CXorf38: variants seen among roughly 807,000 people sequenced by gnomAD.
CXorf38 encodes the protein uncharacterized protein CXorf38.
A neutral mutation model predicts 27.5 loss-of-function variants in CXorf38; 13 were observed. The ratio of observed to expected loss-of-function variants is 0.47; its 90% CI spans 0.31 to 0.75. The LOEUF (loss-of-function observed/expected upper bound fraction) is 0.75, where lower values mean the gene tolerates loss of function less well. Among genes scored for constraint, CXorf38 ranks in the 30% least tolerant of loss-of-function variants. The pLI, the probability that CXorf38 is intolerant of heterozygous loss-of-function variation, is 0.05. For synonymous variants in CXorf38, 100 were observed against 99.8 expected (o/e 1.00, Z -0.01); for missense variants, 240 against 253.2 (o/e 0.95, Z 0.35).
chrX:40,647,551 GC>G lies in CXorf38; in HGVS notation c.-32del, dbSNP rs745321336. 6 of 1,170,217 alleles carry G rather than the reference GC, an allele frequency of 5.1e-6. No individual in the cohort carries two copies. In the East Asian group the frequency reaches 2.0e-4, roughly 40 times the overall value. On this transcript the variant is annotated 5_prime_UTR_variant, in exon 1 of 7. Transcript: ENST00000327877. ...CCACTTGGAACCAGGAGGTTGCGGG[GC>G]GTGGCGGACGGCAGTGCGCAGGCGC...
At position 40,647,449 on chromosome X, in the gene CXorf38, G is replaced by C. The variant is rs1928657869; in HGVS notation, c.72C>G (p.Cys24Trp). ...GCAGGCAGCTGCGCAGCAGTAACAG[G>C]CAGTGGCCCGCCTTCACCCAGTTCT... ...EYKNWVKAGHCLLLLRSCLQG... is the reference protein window; with the variant it reads ...EYKNWVKAGHWLLLLRSCLQG... Residue 24 changes from cysteine (C) to tryptophan (W), a missense_variant, in exon 1 of 7, where the codon TGC (cysteine) becomes TGG (tryptophan). Physicochemically the swap from Cys to Trp is radical, Grantham distance 215. Transcript: ENST00000327877. 1 of 1,194,811 alleles carries C rather than the reference G, an allele frequency of 8.4e-7. No individual in the cohort carries two copies. Among genetic ancestry groups the C allele is most frequent in the African/African-American group, 1.8e-5 (1 of 55,137 alleles).
chrX:40,629,609 T>C lies in CXorf38; in HGVS notation c.*555A>G, dbSNP rs1927674052. On this transcript the variant is annotated 3_prime_UTR_variant, in exon 7 of 7. Transcript: ENST00000327877. ...AATCCCTGGGTGGTAGCAAGTTTTG[T>C]TGTTGTTTTTTGTTTTTTTGGGAGA... 1 of 111,036 alleles carries C rather than the reference T, an allele frequency of 9.0e-6. No individual in the cohort carries two copies. Among genetic ancestry groups the C allele is most frequent in the Non-Finnish European group, 1.9e-5 (1 of 52,896 alleles). The allele number at this position is 111,036 out of a possible 1,213,427, so 9.2% of individuals were successfully genotyped here. A position where few individuals can be genotyped will look rare whatever the true frequency, so the allele number is the denominator to read the frequency against.
rs1311644864 is a variant in CXorf38 at position 40,628,574 on chromosome X, T to G, written c.*1590A>C. The G allele has an allele frequency of 8.9e-6, 1 of 112,466 alleles. No homozygotes were observed. 9.3% of individuals were successfully genotyped at this position (112,466 alleles called of 1,213,427 possible). A position where few individuals can be genotyped will look rare whatever the true frequency, so the allele number is the denominator to read the frequency against. Reference sequence around the variant, plus strand: ...CCAGCAGGAGGAACTCAGGAGTGGATGACTTTAGGGGTAAAAGGTATAGAA... The same window carrying G: ...CCAGCAGGAGGAACTCAGGAGTGGAGGACTTTAGGGGTAAAAGGTATAGAA... On this transcript the variant is annotated 3_prime_UTR_variant, in exon 7 of 7. Transcript: ENST00000327877.
chrX:40,640,321 C>A, intron 2 of CXorf38: 1 of 250,369 alleles, frequency 4.0e-6, no homozygotes, highest in South Asian at 3.9e-5. Context: ...GATCAAGACC[C>A]TGTTTCAAAA....
chrX:40,628,628 G>A lies in CXorf38; in HGVS notation c.*1536C>T, dbSNP rs1237903685. 8.9e-6 allele frequency: 1 copy of A among 112,388 alleles called. No individual in the cohort carries two copies. Among genetic ancestry groups the A allele is most frequent in the South Asian group, 3.6e-4 (1 of 2,757 alleles). The allele number at this position is 112,388 out of a possible 1,213,427, so 9.3% of individuals were successfully genotyped here. A position where few individuals can be genotyped will look rare whatever the true frequency, so the allele number is the denominator to read the frequency against. The stretch of plus-strand genomic sequence containing the variant: ...GCATGAACGAATGTGTGAATTTGTT[G>A]AAAGAAAATGATGTCTTTGAATTTC... On this transcript the variant is annotated 3_prime_UTR_variant, in exon 7 of 7. Coordinates refer to ENST00000327877, the MANE Select transcript of CXorf38 (RefSeq NM_144970.3).
At chrX:40,635,413 T>C (rs1251947312) in intron 5 of CXorf38, among the ~76,000 whole-genome samples, 1 of 112,579 alleles carries the variant, frequency 8.9e-6, no homozygotes, top group Non-Finnish European at 1.9e-5. Flanking sequence ...GCTCCGTGAA[T>C]TTGCATTTAA....
chrX:40,642,379 T>C (rs1476624790), intron 2 of CXorf38, among the ~76,000 whole-genome samples: 5 of 111,502 alleles, frequency 4.5e-5, no homozygotes, highest in African/African-American at 6.5e-5. Context: ...AGCCATCAAT[T>C]TGGGAGCCAG....
chrX:40,636,666 C>T lies in CXorf38; in HGVS notation c.668G>A (p.Arg223Gln), dbSNP rs777636638. 8.3e-6 allele frequency: 10 copies of T among 1,208,941 alleles called. No homozygotes were observed. The South Asian group carries it at 1.4e-4, about 17-fold the overall frequency. Residue 223 changes from arginine to glutamine, a missense_variant, in exon 5 of 7, where the codon CGA becomes CAA. Coordinates refer to ENST00000327877, the MANE Select transcript of CXorf38 (RefSeq NM_144970.3). ...TCCCATTTCACATTCACACCCATCTCGCTGATCTTCCTCGGGGATGTGAAC... is the reference window on the plus strand; with the variant it reads ...TCCCATTTCACATTCACACCCATCTTGCTGATCTTCCTCGGGGATGTGAAC... The part of the protein sequence containing the change: ...WAVHIPEEDQ[R>Q]DGCECEMGTY...
chrX:40,647,411 C>T lies in CXorf38; in HGVS notation c.110G>A (p.Gly37Asp), dbSNP rs1175007410. 8.4e-7 allele frequency: 1 copy of T among 1,188,629 alleles called. No homozygotes were observed. The highest frequency in any genetic ancestry group is 3.2e-5 in the East Asian group (1 of 31,138). Residue 37 changes from glycine to aspartate, a missense_variant, in exon 1 of 7, where the codon GGC (glycine) becomes GAC (aspartate). Transcript: ENST00000327877. ...GCGGTGGAAGGAGAGCACCTCGCGG[C>T]CGACGAAACCCTGCAGGCAGCTGCG... ...LLRSCLQGFVGREVLSFHRGL... is the reference protein window; with the variant it reads ...LLRSCLQGFVDREVLSFHRGL...
At chrX:40,631,170 T>C (rs1927761411) in intron 5 of CXorf38, among the ~76,000 whole-genome samples, 1 of 108,663 alleles carries the variant, frequency 9.2e-6, no homozygotes, top group South Asian at 4.0e-4. Flanking sequence ...AATTATTATA[T>C]AGATGGATAT....
intron 5 of CXorf38, among the ~76,000 whole-genome samples, chrX:40,635,017 G>A (rs960224664): frequency 7.1e-5 from 8 of 112,235 alleles, no homozygotes; most frequent in South Asian, 3.7e-4. Flanking sequence ...GGAGACCTGC[G>A]GGCCAGCCCT....
chrX:40,640,138 C>G (rs968889783), intron 2 of CXorf38: 56 of 290,709 alleles, frequency 1.9e-4, no homozygotes, highest in Non-Finnish European at 1.3e-5. Flanking sequence ...TGAGCCCAGC[C>G]TGGGCAACAA....
intron 5 of CXorf38, among the ~76,000 whole-genome samples, chrX:40,632,181 T>C (rs1304578752): frequency 9.0e-6 from 1 of 111,694 alleles, no homozygotes; most frequent in Non-Finnish European, 1.9e-5. Context: ...TAATCAGATG[T>C]CCGTGATGGC....
chrX:40,646,906 G>A (rs1428551768), intron 2 of CXorf38, 101 bp downstream of exon 2: 3 of 956,872 alleles, frequency 3.1e-6, no homozygotes, highest in East Asian at 3.4e-5. Flanking sequence ...CTCTCTCTCT[G>A]CATCTGTTTA....
chrX:40,634,217 C>T (rs897221850), intron 5 of CXorf38, among the ~76,000 whole-genome samples: 30 of 111,468 alleles, frequency 2.7e-4, no homozygotes, highest in African/African-American at 9.5e-4. Context: ...AGCTTTCTAA[C>T]CCTACCCCTA....
Position 40,637,005 on chromosome X carries a change from AC to A in CXorf38, c.621+1del. 7.6e-6 allele frequency: 9 copies of A among 1,180,385 alleles called. No individual in the cohort carries two copies. The highest frequency in any genetic ancestry group is 1.0e-5 in the Non-Finnish European group (9 of 879,370). Reference sequence around the variant, plus strand: ...GCCAGAACTATTAAACATGATTTTTACCTGTTCTATTCTGGAGTATACTGCC... The same window carrying A: ...GCCAGAACTATTAAACATGATTTTTACTGTTCTATTCTGGAGTATACTGCC... On this transcript the variant is annotated splice_donor_variant, in intron 4 of 6. Transcript: ENST00000327877. LOFTEE classifies it high-confidence loss of function.
chrX:40,643,210 G>A (rs1928415185), intron 2 of CXorf38, among the ~76,000 whole-genome samples: 2 of 111,525 alleles, frequency 1.8e-5, no homozygotes, highest in African/African-American at 3.3e-5. Flanking sequence ...TAACAGGCAT[G>A]AGCCACCACA....
chrX:40,643,192 T>G (rs1205705047), intron 2 of CXorf38, among the ~76,000 whole-genome samples: 1 of 111,607 alleles, frequency 9.0e-6, no homozygotes. Context: ...CCTCCCAAAG[T>G]GCTGTGATAA....
rs925111934 is a variant in CXorf38 at position 40,627,759 on chromosome X, A to C, written c.*2405T>G. 8.9e-6 allele frequency: 1 copy of C among 111,863 alleles called. No homozygotes were observed. Among genetic ancestry groups the C allele is most frequent in the Non-Finnish European group, 1.9e-5 (1 of 53,194 alleles). The allele number at this position is 111,863 out of a possible 1,213,427, so 9.2% of individuals were successfully genotyped here. A position where few individuals can be genotyped will look rare whatever the true frequency, so the allele number is the denominator to read the frequency against. On this transcript the variant is annotated 3_prime_UTR_variant, in exon 7 of 7. Transcript: ENST00000327877. Reference sequence around the variant, plus strand: ...TTAAAGCCCTCTCTAGGGCTTTAAAAAGTTTTCGGAACCGTATCTTTAACA... The same window carrying C: ...TTAAAGCCCTCTCTAGGGCTTTAAACAGTTTTCGGAACCGTATCTTTAACA...
Sources: gnomAD v4.1 joint callset for allele counts (sites outside exome capture counted in the v4.1 genomes callset) on GRCh38, gnomAD v4.1.1 for gene constraint, MANE v1.5 for transcripts, NCBI Gene and HGNC (gene_info 2026-07-23, HGNC 2026-07-21) for gene names.